The following MORC1 variants were observed in gnomAD, a reference collection of about 807,000 sequenced individuals.
MORC1 encodes the protein MORC family CW-type zinc finger 1, also known as MORC family CW-type zinc finger protein 1.
Under a neutral mutation model 134.9 loss-of-function variants are expected in MORC1, and 59 were observed. The observed-to-expected ratio is 0.44, with a 90% CI of 0.35 to 0.54. The LOEUF (loss-of-function observed/expected upper bound fraction) is 0.54, where lower values mean the gene tolerates loss of function less well. Among genes scored for constraint, MORC1 ranks in the 20% least tolerant of loss-of-function variants. MORC1 has a pLI of 0.00. For synonymous variants in MORC1, 395 were observed against 391.7 expected, an observed-to-expected ratio of 1.01 and a Z score of -0.10; for missense variants, 947 against 1,134.5, an observed-to-expected ratio of 0.83 and a Z score of 2.37.
intron 24 of MORC1, among the ~76,000 whole-genome samples, chr3:108,976,311 C>CT (rs926440872): frequency 6.6e-6 from 1 of 152,148 alleles, no homozygotes; most frequent in Admixed American, 6.5e-5. Context: ...AACTACTACT[C>CT]TTTTTTATCA....
intron 14 of MORC1, among the ~76,000 whole-genome samples, chr3:109,040,485 A>AAAGAAAGAAAGG (rs61499269): frequency 0.086 from 9,740 of 113,838 alleles, 1,422 homozygotes; most frequent in East Asian, 0.2. Context: ...AGAAAGAAAG[A>AAAGAAAGAAAGG]AAGGAAAGAA....
At chr3:109,027,542 G>A (rs548414837) in intron 17 of MORC1, among the ~76,000 whole-genome samples, 3 of 150,612 alleles carry the variant, frequency 2.0e-5, no homozygotes, top group African/African-American at 7.4e-5. Context: ...GTATAGATGG[G>A]CTTAGATATC....
intron 14 of MORC1, among the ~76,000 whole-genome samples, chr3:109,050,843 G>A (rs1055974796): frequency 4.6e-5 from 7 of 152,074 alleles, no homozygotes; most frequent in Non-Finnish European, 8.8e-5. Flanking sequence ...GAGAGTGAGC[G>A]GATTAAAGGT....
Position 109,099,469 on chromosome 3 carries a change from A to G in MORC1, c.315-3T>C, listed in dbSNP as rs1222502068. ...CTTTTCCAATTCTCATGGACCCACT[A>G]TATTAAAAATGAAGAACATCATGTT... On this transcript the variant is annotated splice_polypyrimidine_tract_variant and splice_region_variant and intron_variant, in intron 5 of 27. Coordinates refer to ENST00000232603, the MANE Select transcript of MORC1 (RefSeq NM_014429.4). 3 of 1,595,532 alleles carry G rather than the reference A, an allele frequency of 1.9e-6. No individual in the cohort carries two copies. Among genetic ancestry groups the G allele is most frequent in the South Asian group, 1.1e-5 (1 of 87,624 alleles).
chr3:109,036,985 T>C (rs1949394367), intron 14 of MORC1, among the ~76,000 whole-genome samples: 1 of 152,208 alleles, frequency 6.6e-6, no homozygotes, highest in African/African-American at 2.4e-5. Context: ...CTAAAATTTC[T>C]ACTTTATCTA....
At chr3:109,116,959 C>T (rs1951287235) in intron 1 of MORC1, among the ~76,000 whole-genome samples, 2 of 152,256 alleles carry the variant, frequency 1.3e-5, no homozygotes, top group Admixed American at 1.3e-4. Flanking sequence ...GCAGTAGCCA[C>T]AAAATCCATA....
At chr3:108,976,784 A>G (rs1381503552) in intron 24 of MORC1, among the ~76,000 whole-genome samples, 1 of 152,216 alleles carries the variant, frequency 6.6e-6, no homozygotes, top group Non-Finnish European at 1.5e-5. Flanking sequence ...GATGATTCTA[A>G]GCAATAAAGA....
chr3:109,056,744 A>G (rs553147169), intron 13 of MORC1, among the ~76,000 whole-genome samples: 15 of 152,320 alleles, frequency 9.8e-5, no homozygotes, highest in African/African-American at 3.6e-4. Flanking sequence ...AGGAAGCAAG[A>G]TAGTAAATGC....
At chr3:109,058,626 A>G (rs1027356937) in intron 12 of MORC1, among the ~76,000 whole-genome samples, 2 of 152,096 alleles carry the variant, frequency 1.3e-5, no homozygotes, top group African/African-American at 2.4e-5. Context: ...TTAATATACT[A>G]TATATTTATT....
At chr3:109,035,263 C>T in intron 15 of MORC1, 77 bp downstream of exon 15, 1 of 1,336,248 alleles carries the variant, frequency 7.5e-7, no homozygotes. Flanking sequence ...CTCCCTCATC[C>T]CTCATTTCTT....
At chr3:109,058,351 G>A (rs34233692) in intron 12 of MORC1, among the ~76,000 whole-genome samples, 3,468 of 152,080 alleles carry the variant, frequency 0.023, 65 homozygotes, top group Middle Eastern at 0.11. Flanking sequence ...ATATAAGCCT[G>A]GAACAGATTA....
intron 26 of MORC1, among the ~76,000 whole-genome samples, chr3:108,963,831 T>C (rs901388989): frequency 6.6e-6 from 1 of 152,168 alleles, no homozygotes; most frequent in Non-Finnish European, 1.5e-5. Flanking sequence ...TAATTGTAAT[T>C]ATAAGGAGGA....
At chr3:109,037,551 C>T (rs1484510865) in intron 14 of MORC1, among the ~76,000 whole-genome samples, 3 of 152,178 alleles carry the variant, frequency 2.0e-5, no homozygotes, top group African/African-American at 7.2e-5. Flanking sequence ...ATCAACTCGT[C>T]GTTTACATTA....
intron 25 of MORC1, among the ~76,000 whole-genome samples, chr3:108,970,098 T>C (rs1947335727): frequency 6.6e-6 from 1 of 152,026 alleles, no homozygotes; most frequent in Non-Finnish European, 1.5e-5. Flanking sequence ...GGGAAGTCAC[T>C]GGCATGTGGG....
intron 9 of MORC1, among the ~76,000 whole-genome samples, chr3:109,064,460 G>A (rs1446243673): frequency 6.6e-6 from 1 of 152,036 alleles, no homozygotes; most frequent in East Asian, 1.9e-4. Flanking sequence ...AGCATTTTGG[G>A]TGACTGGTTT....
chr3:109,086,295 C>A (rs1576726974), intron 8 of MORC1, among the ~76,000 whole-genome samples: 1 of 151,996 alleles, frequency 6.6e-6, no homozygotes, highest in East Asian at 1.9e-4. Flanking sequence ...ATCCCAATTA[C>A]CTCTATTTTA....
chr3:109,013,722 T>C (rs1227641141), intron 17 of MORC1, among the ~76,000 whole-genome samples: 1 of 152,226 alleles, frequency 6.6e-6, no homozygotes, highest in Non-Finnish European at 1.5e-5. Context: ...ATCTATGCTA[T>C]GGCTTGAATG....
intron 2 of MORC1, 70 bp from the exon 3 acceptor site, chr3:109,110,853 T>TAAG: frequency 8.4e-7 from 1 of 1,186,024 alleles, no homozygotes; most frequent in Non-Finnish European, 1.2e-6. Flanking sequence ...TAACCTATTG[T>TAAG]CAGATATCAA....
At chr3:109,093,622 G>T in intron 7 of MORC1, 81 bp from the exon 8 acceptor site, 1 of 1,006,200 alleles carries the variant, frequency 9.9e-7, no homozygotes, top group Non-Finnish European at 1.5e-6. Context: ...TTCATCTATG[G>T]AACTGAGTCT....
Sources: gnomAD v4.1 joint callset for allele counts (sites outside exome capture counted in the v4.1 genomes callset) on GRCh38, gnomAD v4.1.1 for gene constraint, MANE v1.5 for transcripts, NCBI Gene and HGNC (gene_info 2026-07-23, HGNC 2026-07-21) for gene names.